The following SPG7 variants were observed in gnomAD, a reference collection of about 807,000 sequenced individuals.
The protein encoded by SPG7 is mitochondrial inner membrane m-AAA protease component paraplegin.
SPG7 carries 103 observed loss-of-function variants against 81.9 expected under a neutral mutation model. That is an observed-to-expected ratio of 1.26 (90% CI 1.07 to 1.48). The LOEUF (loss-of-function observed/expected upper bound fraction) is 1.48, where lower values mean the gene tolerates loss of function less well. Ranked by LOEUF, SPG7 falls within the 40% of genes most tolerant of loss-of-function variation. SPG7 has a pLI of 0.00. For synonymous variants in SPG7, 534 were observed against 444.2 expected (o/e 1.20, Z -2.54); for missense variants, 1,241 against 1,087.3 (o/e 1.14, Z -1.99).
intron 16 of SPG7, chr16:89,555,704 G>T: frequency 2.5e-6 from 1 of 397,202 alleles, no homozygotes; most frequent in Non-Finnish European, 4.4e-6. Flanking sequence ...AGTTGCGATT[G>T]TCTGATGTGT....
chr16:89,538,497 C>G (rs551037437), intron 9 of SPG7: 5 of 150,984 alleles, frequency 3.3e-5, no homozygotes, highest in African/African-American at 9.8e-5. Flanking sequence ...GGACGAGGAG[C>G]CCTGGGCTTC....
chr16:89,509,039 A>G (rs1359488139), intron 1 of SPG7: 2 of 444,592 alleles, frequency 4.5e-6, no homozygotes, highest in African/African-American at 4.0e-5. Context: ...TGTCCGCAAA[A>G]TACCCTGTAG....
intron 10 of SPG7, chr16:89,545,226 T>C: frequency 3.2e-6 from 1 of 308,482 alleles, no homozygotes; most frequent in Non-Finnish European, 6.3e-6. Flanking sequence ...GAAATTGGGG[T>C]GGGAGTAGAA....
chr16:89,545,731 T>C (rs909520641), intron 10 of SPG7: 9 of 290,132 alleles, frequency 3.1e-5, no homozygotes, highest in Non-Finnish European at 6.1e-5. Context: ...AGAAACATTT[T>C]ACATCAGGAT....
In SPG7 at chr16:89,530,331, G is replaced by A. The variant is rs2058324309; in HGVS notation, c.862-352G>A. On this transcript the variant is annotated intron_variant, in intron 6 of 16. Coordinates refer to ENST00000645818, the MANE Select transcript of SPG7 (RefSeq NM_003119.4). The stretch of plus-strand genomic sequence containing the variant: ...AGCTAATTTTTTTGTATTTTTGGTA[G>A]AGACAGGTTTCACCGTGTTAGCCAG... The A allele has an allele frequency of 8.5e-6, 3 of 351,034 alleles. No individual in the cohort carries two copies. The Admixed American group carries it at 1.2e-4, about 14-fold the overall frequency. 21.7% of individuals were successfully genotyped at this position (351,034 alleles called of 1,614,324 possible).
chr16:89,515,721 T>TG lies in SPG7; in HGVS notation c.376+2684_376+2685insG, dbSNP rs1457706822. Among the ~76,000 whole-genome samples, 269 of 150,222 alleles carry TG rather than the reference T, an allele frequency of 1.8e-3. 2 individuals are homozygous for TG. Among genetic ancestry groups the TG allele is most frequent in the African/African-American group, 6.4e-3 (260 of 40,792 alleles). On this transcript the variant is annotated intron_variant, in intron 3 of 16. Coordinates refer to ENST00000645818, the MANE Select transcript of SPG7 (RefSeq NM_003119.4). ...TATTACTATTATTATTATTATTTTTTTTTTTGAGATGGGGTCTCGCTCTGT... is the reference window on the plus strand; with the variant it reads ...TATTACTATTATTATTATTATTTTTTGTTTTTGAGATGGGGTCTCGCTCTGT...
At chr16:89,534,177 A>AG (rs1330290732) in intron 9 of SPG7, among the ~76,000 whole-genome samples, 1 of 151,956 alleles carries the variant, frequency 6.6e-6, no homozygotes, top group Non-Finnish European at 1.5e-5. Flanking sequence ...CTCCATCCCC[A>AG]GCCCCTTGCA....
chr16:89,513,165 G>A, intron 3 of SPG7, 128 bp downstream of exon 3: 2 of 1,384,552 alleles, frequency 1.4e-6, no homozygotes, highest in Non-Finnish European at 2.0e-6. Context: ...GCTCACACTT[G>A]TAATCGAAAC....
At chr16:89,539,226 T>G (rs1235762885) in intron 9 of SPG7, 1 of 152,186 alleles carries the variant, frequency 6.6e-6, no homozygotes, top group Non-Finnish European at 1.5e-5. Context: ...CTTTTATAGA[T>G]CTCGTTTTTA....
Position 89,529,485 on chromosome 16 carries a change from A to G in SPG7, c.767A>G (p.Tyr256Cys), listed in dbSNP as rs773926412. 1 of 1,612,312 alleles carries G rather than the reference A, an allele frequency of 6.2e-7. No individual in the cohort carries two copies. The highest frequency in any genetic ancestry group is 1.7e-5 in the Admixed American group (1 of 59,908). ...TCTCTTTCTTCCGGCAGTGCCCTGT[A>G]CTCTGTGGGGATGACGGCAGTGGGC... is the stretch of plus-strand genomic sequence containing the variant. ...KRTGFFGNAL[Y>C]SVGMTAVGLA... The change falls in exon 6 of 17, where the codon TAC (tyrosine) becomes TGC (cysteine). Residue 256 changes from tyrosine (Y) to cysteine (C), a missense_variant. Transcript: ENST00000645818.
At chr16:89,530,927 C>A (rs374457201) in intron 7 of SPG7, 119 bp downstream of exon 7, 3 of 1,380,474 alleles carry the variant, frequency 2.2e-6, no homozygotes, top group Non-Finnish European at 3.1e-6. Flanking sequence ...TGGCGGTGAC[C>A]TCTACCATGT....
chr16:89,554,044 G>A, intron 15 of SPG7, 84 bp downstream of exon 15: 1 of 1,491,150 alleles, frequency 6.7e-7, no homozygotes, highest in Non-Finnish European at 9.2e-7. Flanking sequence ...GTCGCCCACG[G>A]CCGCCCCAGC....
At chr16:89,550,160 C>T in intron 12 of SPG7, 1 of 356,744 alleles carries the variant, frequency 2.8e-6, no homozygotes, top group South Asian at 2.2e-5. Context: ...TCTCAGCTCA[C>T]CCCCCCGTCA....
At chr16:89,549,412 C>T in intron 12 of SPG7, 1 of 364,726 alleles carries the variant, frequency 2.7e-6, no homozygotes, top group Non-Finnish European at 5.4e-6. Context: ...GTAATCCCAG[C>T]ACTTTGGGGG....
At position 89,515,830 on chromosome 16, in the gene SPG7, C is replaced by G. The variant is rs370821113; in HGVS notation, c.376+2793C>G. On this transcript the variant is annotated intron_variant, in intron 3 of 16. Transcript: ENST00000645818. Reference sequence around the variant, plus strand: ...TCAGGCGATTCTCCTGCCTCAGCCTCTCGAGTAGCTGGGACTACAGGCGTG... The same window carrying G: ...TCAGGCGATTCTCCTGCCTCAGCCTGTCGAGTAGCTGGGACTACAGGCGTG... Among the ~76,000 whole-genome samples the G allele has an allele frequency of 5.3e-5, 8 of 151,814 alleles. No individual in the cohort carries two copies. The East Asian group carries it at 1.6e-3, about 30-fold the overall frequency.
At chr16:89,535,739 A>G (rs567423146) in intron 9 of SPG7, among the ~76,000 whole-genome samples, 6 of 152,232 alleles carry the variant, frequency 3.9e-5, no homozygotes, top group African/African-American at 1.4e-4. Flanking sequence ...CTGTACCTCA[A>G]GCGGAGATCA....
chr16:89,526,407 C>A lies in SPG7; in HGVS notation c.697C>A (p.Leu233Met), dbSNP rs751353500. The A allele has an allele frequency of 1.9e-6, 3 of 1,614,048 alleles. No individual in the cohort carries two copies. The highest frequency in any genetic ancestry group is 2.5e-6 in the Non-Finnish European group (3 of 1,180,034). Residue 233 changes from leucine (L) to methionine (M), a missense_variant, in exon 5 of 17, where the codon CTG becomes ATG. Transcript: ENST00000645818. Reference sequence around the variant, plus strand: ...GAAGCTTCGAGCAGCTGAAGATGAGCTGAATATCGAGGCCAAGGACAGGAT... The same window carrying A: ...GAAGCTTCGAGCAGCTGAAGATGAGATGAATATCGAGGCCAAGGACAGGAT... ...EEKLRAAEDE[L>M]NIEAKDRIPV... is the part of the protein sequence containing the mutation.
At chr16:89,526,537 G>A (rs2058262512) in intron 5 of SPG7, 69 bp downstream of exon 5, 1 of 1,564,956 alleles carries the variant, frequency 6.4e-7, no homozygotes, top group Non-Finnish European at 8.8e-7. Flanking sequence ...GAAACAGATT[G>A]CAATCAAAAA....
At position 89,548,095 on chromosome 16, in the gene SPG7, G is replaced by A. The variant is rs147706568; in HGVS notation, c.1645G>A (p.Val549Met). ...SVHTLNFEYA[V>M]ERVLAGTAKK... ...GCACACTCTCAACTTCGAGTACGCC[G>A]TGGAGCGCGTCCTCGCAGGTACAGG... The change falls in exon 12 of 17, where the codon GTG (valine) becomes ATG (methionine). Residue 549 changes from valine to methionine, a missense_variant. Physicochemically the swap from Val to Met is conservative, Grantham distance 21. Transcript: ENST00000645818. 1.1e-5 allele frequency: 18 copies of A among 1,606,180 alleles called. No homozygotes were observed. The highest frequency in any genetic ancestry group is 8.9e-5 in the East Asian group (4 of 44,886).
Sources: allele counts gnomAD v4.1 joint callset (sites outside exome capture counted in the v4.1 genomes callset), GRCh38; gene constraint gnomAD v4.1.1; transcripts MANE v1.5; gene names NCBI Gene and HGNC (gene_info 2026-07-23, HGNC 2026-07-21).